The following GALNT7 variants were observed in gnomAD, a reference collection of about 807,000 sequenced individuals.
The protein encoded by GALNT7 is polypeptide N-acetylgalactosaminyltransferase 7, also known as N-acetylgalactosaminyltransferase 7.
Under a neutral mutation model 82.1 loss-of-function variants are expected in GALNT7, and 60 were observed. The ratio of observed to expected loss-of-function variants is 0.73; its 90% CI spans 0.59 to 0.91. The LOEUF (loss-of-function observed/expected upper bound fraction) is 0.91, where lower values mean the gene tolerates loss of function less well. Ranked by LOEUF, GALNT7 falls within the 40% of genes least tolerant of loss-of-function variation. The probability of loss-of-function intolerance (pLI) is 0.00; values close to 1 mark genes in which losing one functional copy is unlikely to be tolerated. For missense variants in GALNT7, 660 were observed against 804.2 expected (o/e 0.82, Z 2.17); for synonymous variants, 243 against 275.1 (o/e 0.88, Z 1.15).
chr4:173,264,879 G>A (rs942081867), intron 2 of GALNT7, among the ~76,000 whole-genome samples: 14 of 152,208 alleles, frequency 9.2e-5, no homozygotes, highest in African/African-American at 3.4e-4. Context: ...ATCCTGGAGG[G>A]GGGAGTGGCT....
chr4:173,201,517 A>C (rs1445236888), intron 1 of GALNT7, among the ~76,000 whole-genome samples: 1 of 152,218 alleles, frequency 6.6e-6, no homozygotes, highest in Non-Finnish European at 1.5e-5. Context: ...ACTAGAATAT[A>C]ATCTATTTTG....
intron 1 of GALNT7, among the ~76,000 whole-genome samples, chr4:173,238,487 G>C (rs1734306378): frequency 2.6e-5 from 4 of 152,184 alleles, no homozygotes; most frequent in Admixed American, 2.6e-4. Context: ...GAGATGGACT[G>C]TTCAGTGGCA....
intron 1 of GALNT7, among the ~76,000 whole-genome samples, chr4:173,205,337 C>T (rs1229095450): frequency 1.3e-5 from 2 of 151,406 alleles, no homozygotes; most frequent in African/African-American, 2.4e-5. Flanking sequence ...AGGCTGACCA[C>T]GTACTGGGAT....
chr4:173,260,468 G>A (rs1192336898), intron 2 of GALNT7, among the ~76,000 whole-genome samples: 2 of 152,178 alleles, frequency 1.3e-5, no homozygotes, highest in Non-Finnish European at 2.9e-5. Flanking sequence ...GGTTATAGAA[G>A]TATAATCATT....
intron 9 of GALNT7, among the ~76,000 whole-genome samples, chr4:173,314,420 C>A (rs1400755986): frequency 6.6e-6 from 1 of 152,204 alleles, no homozygotes; most frequent in East Asian, 1.9e-4. Context: ...TTCACTCCAG[C>A]TCCTGGCGCC....
intron 1 of GALNT7, among the ~76,000 whole-genome samples, chr4:173,193,682 G>A (rs1320868796): frequency 1.3e-5 from 2 of 152,180 alleles, no homozygotes; most frequent in Admixed American, 1.3e-4. Context: ...TAAAGCAGAA[G>A]GCAGCAAACA....
chr4:173,270,496 G>A (rs527460258), intron 2 of GALNT7, among the ~76,000 whole-genome samples: 27 of 152,294 alleles, frequency 1.8e-4, no homozygotes, highest in Admixed American at 1.4e-3. Flanking sequence ...GAAGGCTTTC[G>A]TATTCAAGAT....
At chr4:173,290,054 A>G (rs1736479081) in intron 2 of GALNT7, among the ~76,000 whole-genome samples, 1 of 152,180 alleles carries the variant, frequency 6.6e-6, no homozygotes, top group Admixed American at 6.5e-5. Context: ...GTTATGTGTT[A>G]TATGCTGGGA....
chr4:173,224,875 C>G (rs12503914), intron 1 of GALNT7, among the ~76,000 whole-genome samples: 1 of 151,198 alleles, frequency 6.6e-6, no homozygotes. Context: ...ATTAGCCAGG[C>G]GTGGTGGCGC....
At chr4:173,185,346 A>G (rs1449861833) in intron 1 of GALNT7, among the ~76,000 whole-genome samples, 1 of 151,884 alleles carries the variant, frequency 6.6e-6, no homozygotes, top group Non-Finnish European at 1.5e-5. Context: ...GGCATGTGGA[A>G]TCTTGAAAGG....
chr4:173,311,506 A>G (rs1737382946), intron 8 of GALNT7, among the ~76,000 whole-genome samples: 1 of 152,216 alleles, frequency 6.6e-6, no homozygotes, highest in Non-Finnish European at 1.5e-5. Flanking sequence ...GCTTCCAATT[A>G]TAGTGGAATG....
chr4:173,245,323 A>G (rs1734586982), intron 1 of GALNT7, among the ~76,000 whole-genome samples: 2 of 152,106 alleles, frequency 1.3e-5, no homozygotes, highest in South Asian at 4.1e-4. Flanking sequence ...TTAAATTTGC[A>G]ATTTTGGTAT....
At chr4:173,231,435 G>C (rs888490256) in intron 1 of GALNT7, among the ~76,000 whole-genome samples, 3 of 152,176 alleles carry the variant, frequency 2.0e-5, no homozygotes, top group Non-Finnish European at 4.4e-5. Flanking sequence ...TCTTGAAGTT[G>C]TTTAGCATTG....
chr4:173,255,264 T>C (rs1362607579), intron 2 of GALNT7, among the ~76,000 whole-genome samples: 3 of 152,164 alleles, frequency 2.0e-5, no homozygotes, highest in Non-Finnish European at 4.4e-5. Flanking sequence ...ATGGCTCCCT[T>C]CCCTTGGTGG....
At chr4:173,255,541 C>T (rs12644917) in intron 2 of GALNT7, among the ~76,000 whole-genome samples, 4 of 151,968 alleles carry the variant, frequency 2.6e-5, no homozygotes, top group East Asian at 1.9e-4. Context: ...AAAATATTTA[C>T]GGTGGCACCA....
intron 1 of GALNT7, among the ~76,000 whole-genome samples, chr4:173,224,766 A>G (rs927429639): frequency 2.6e-5 from 4 of 152,036 alleles, no homozygotes; most frequent in South Asian, 4.1e-4. Flanking sequence ...TAATCCCAGC[A>G]CTTTGGGAGG....
intron 2 of GALNT7, among the ~76,000 whole-genome samples, chr4:173,286,372 C>A (rs753226407): frequency 6.6e-6 from 1 of 152,220 alleles, no homozygotes; most frequent in African/African-American, 2.4e-5. Context: ...CAGGGACTTT[C>A]CTTAGAGGGC....
intron 1 of GALNT7, among the ~76,000 whole-genome samples, chr4:173,219,750 T>G (rs1189119052): frequency 3.3e-5 from 5 of 152,130 alleles, no homozygotes; most frequent in African/African-American, 1.2e-4. Flanking sequence ...ATTAGTGATA[T>G]CGAGCATTTT....
At chr4:173,177,820 A>G (rs757546413) in intron 1 of GALNT7, among the ~76,000 whole-genome samples, 6 of 152,206 alleles carry the variant, frequency 3.9e-5, no homozygotes, top group Admixed American at 1.3e-4. Context: ...ATTGTGGCCC[A>G]GAAAAACTGG....
Sources: allele counts gnomAD v4.1 joint callset (sites outside exome capture counted in the v4.1 genomes callset), GRCh38; gene constraint gnomAD v4.1.1; transcripts MANE v1.5; gene names NCBI Gene and HGNC (gene_info 2026-07-23, HGNC 2026-07-21).